The following RAB3GAP1 variants were observed in gnomAD, a reference collection of about 807,000 sequenced individuals.
The protein encoded by RAB3GAP1 is rab3 GTPase-activating protein catalytic subunit.
RAB3GAP1 carries 86 observed loss-of-function variants against 130.7 expected under a neutral mutation model. The observed-to-expected ratio is 0.66, with a 90% CI of 0.55 to 0.79. The LOEUF (loss-of-function observed/expected upper bound fraction) is 0.79. Among genes scored for constraint, RAB3GAP1 ranks in the 30% least tolerant of loss-of-function variants. RAB3GAP1 has a pLI of 0.00. For synonymous variants in RAB3GAP1, 367 were observed against 401.7 expected (o/e 0.91, Z 1.03); for missense variants, 1,029 against 1,169.4 (o/e 0.88, Z 1.75).
At chr2:135,093,764 C>G in intron 5 of RAB3GAP1, 71 bp downstream of exon 5, 1 of 1,161,272 alleles carries the variant, frequency 8.6e-7, no homozygotes, top group Non-Finnish European at 1.3e-6. Context: ...TCCCCAAGTT[C>G]AGTGATTTGC....
At chr2:135,090,179 C>T (rs1283677900) in intron 3 of RAB3GAP1, among the ~76,000 whole-genome samples, 1 of 152,014 alleles carries the variant, frequency 6.6e-6, no homozygotes, top group Non-Finnish European at 1.5e-5. Context: ...ATAATACACA[C>T]TTAGGACACT....
Position 135,153,690 on chromosome 2 carries a change from G to T in RAB3GAP1, c.2103G>T (p.Trp701Cys), listed in dbSNP as rs772842361. Reference protein sequence around the residue: ...PGCSLEDFVRWYSPRDYIEEE... With the variant: ...PGCSLEDFVRCYSPRDYIEEE... ...GCTCCCTGGAAGATTTTGTGAGGTG[G>T]TATTCACCCCGGGATTATATTGAAG... The change falls in exon 19 of 24, where the codon TGG becomes TGT. Residue 701 changes from tryptophan to cysteine, a missense_variant. By Grantham distance (215) the Trp-to-Cys change is radical (BLOSUM62 -2). Transcript: ENST00000264158. 35 of 1,613,828 alleles carry T rather than the reference G, an allele frequency of 2.2e-5. No individual in the cohort carries two copies. Among genetic ancestry groups the T allele is most frequent in the Non-Finnish European group, 2.9e-5 (34 of 1,179,916 alleles).
chr2:135,126,944 C>T (rs1029422766), intron 11 of RAB3GAP1, among the ~76,000 whole-genome samples: 1 of 151,592 alleles, frequency 6.6e-6, no homozygotes, highest in Non-Finnish European at 1.5e-5. Context: ...TGGCATGTCT[C>T]GGCTCACTGC....
rs2105008353 is a variant in RAB3GAP1, at chr2:135,168,709, G to C, written c.2874G>C (p.Arg958=). 6 of 1,614,198 alleles carry C rather than the reference G, an allele frequency of 3.7e-6. No homozygotes were observed. Among genetic ancestry groups the C allele is most frequent in the Non-Finnish European group, 5.1e-6 (6 of 1,180,032 alleles). ...CCTACTCCAAAGCTCTGCCTCAGCG[G>C]ATGTACAGTGTTCTCACCAAAGAGG... The part of the protein sequence containing the change: ...PAPYSKALPQ[R]MYSVLTKEDF... The change falls in exon 24 of 24, where the codon CGG becomes CGC. Residue 958 remains arginine (R), a synonymous_variant. Transcript: ENST00000264158.
chr2:135,084,213 C>A (rs573445653), intron 3 of RAB3GAP1, among the ~76,000 whole-genome samples: 35 of 152,292 alleles, frequency 2.3e-4, no homozygotes, highest in Admixed American at 5.2e-4. Flanking sequence ...CCATTGCACT[C>A]CAGCCTGGGC....
chr2:135,168,572 G>A lies in RAB3GAP1; in HGVS notation c.2737G>A (p.Glu913Lys). 1.2e-6 allele frequency: 2 copies of A among 1,614,148 alleles called. No homozygotes were observed. The highest frequency in any genetic ancestry group is 1.7e-6 in the Non-Finnish European group (2 of 1,180,026). Residue 913 changes from glutamate (E) to lysine (K), a missense_variant, in exon 24 of 24, where the codon GAA becomes AAA. Transcript: ENST00000264158. Reference sequence around the variant, plus strand: ...TGCAGCTATGACTCCACCAGAGGAGGAATTGAAGAGAATGGGCTCCCCAGA... The same window carrying A: ...TGCAGCTATGACTCCACCAGAGGAGAAATTGAAGAGAATGGGCTCCCCAGA... ...RAAAMTPPEE[E>K]LKRMGSPEER... is the part of the protein sequence containing the mutation.
At chr2:135,079,949 C>T (rs1354756418) in intron 3 of RAB3GAP1, among the ~76,000 whole-genome samples, 1 of 151,986 alleles carries the variant, frequency 6.6e-6, no homozygotes, top group Non-Finnish European at 1.5e-5. Flanking sequence ...AACCCTGTCT[C>T]TACTAAAAAT....
At chr2:135,092,050 A>G (rs548846443) in intron 4 of RAB3GAP1, among the ~76,000 whole-genome samples, 3 of 152,308 alleles carry the variant, frequency 2.0e-5, no homozygotes, top group Admixed American at 2.0e-4. Context: ...TCTGTTACGT[A>G]TATTCTTCTT....
At chr2:135,058,363 G>C (rs986751669) in intron 3 of RAB3GAP1, 6 of 243,036 alleles carry the variant, frequency 2.5e-5, no homozygotes, top group African/African-American at 1.1e-4. Context: ...TGTGAGTGAA[G>C]TTTGCTTCTC....
In RAB3GAP1 at chr2:135,081,327, AATATATATAT is replaced by A. The variant is rs1214688390; in HGVS notation, c.151-9645_151-9636del. On this transcript the variant is annotated intron_variant, in intron 3 of 23. Transcript: ENST00000264158. ...GTCTCAAAAAAAAAAAAAAAAAAAA[AATATATATAT>A]ATATATATATATATATATATATATA... 5.2e-4 allele frequency among the ~76,000 whole-genome samples: 33 copies of A among 64,050 alleles called. 2 individuals are homozygous for A. The highest frequency in any genetic ancestry group is 2.3e-3 in the African/African-American group (25 of 10,904). 42.0% of individuals were successfully genotyped at this position (64,050 alleles called of 152,430 possible). A position where few individuals can be genotyped will look rare whatever the true frequency, so the allele number is the denominator to read the frequency against.
intron 9 of RAB3GAP1, among the ~76,000 whole-genome samples, chr2:135,125,236 T>A (rs928187901): frequency 3.3e-5 from 5 of 152,184 alleles, no homozygotes; most frequent in Admixed American, 3.3e-4. Flanking sequence ...TTTCTTTGTG[T>A]CTGACTTATT....
At chr2:135,071,065 T>C (rs575801584) in intron 3 of RAB3GAP1, among the ~76,000 whole-genome samples, 5 of 152,360 alleles carry the variant, frequency 3.3e-5, no homozygotes, top group African/African-American at 1.2e-4. Context: ...ACAGCTTGTA[T>C]GATAGAGACT....
intron 7 of RAB3GAP1, among the ~76,000 whole-genome samples, chr2:135,120,613 G>T (rs1175981925): frequency 6.6e-6 from 1 of 152,014 alleles, no homozygotes; most frequent in Non-Finnish European, 1.5e-5. Context: ...TAATGACTTC[G>T]GTGACTTATT....
intron 3 of RAB3GAP1, chr2:135,058,315 A>G (rs918123867): frequency 5.9e-5 from 19 of 320,170 alleles, no homozygotes; most frequent in Non-Finnish European, 1.0e-4. Flanking sequence ...GTGTGTATAT[A>G]TATATATATA....
At chr2:135,103,591 T>C (rs1364300215) in intron 5 of RAB3GAP1, among the ~76,000 whole-genome samples, 3 of 152,196 alleles carry the variant, frequency 2.0e-5, no homozygotes, top group Non-Finnish European at 4.4e-5. Context: ...CATTTCTGGC[T>C]CCTCTTCCTG....
In RAB3GAP1 at chr2:135,168,630, C is replaced by T; in HGVS notation, c.2795C>T (p.Pro932Leu). ...ERRQNSVSDFPPPAGREFILR... is the reference protein window; with the variant it reads ...ERRQNSVSDFLPPAGREFILR... ...AGGCAGAACTCCGTGTCAGACTTCC[C>T]ACCCCCTGCTGGCCGGGAATTCATT... The change falls in exon 24 of 24, where the codon CCA becomes CTA. Residue 932 changes from proline (P) to leucine (L), a missense_variant. Coordinates refer to ENST00000264158, the MANE Select transcript of RAB3GAP1 (RefSeq NM_012233.3). The T allele has an allele frequency of 6.2e-7, 1 of 1,614,212 alleles. No homozygotes were observed. Among genetic ancestry groups the T allele is most frequent in the South Asian group, 1.1e-5 (1 of 91,078 alleles).
At chr2:135,079,510 C>G (rs936867489) in intron 3 of RAB3GAP1, among the ~76,000 whole-genome samples, 1 of 152,194 alleles carries the variant, frequency 6.6e-6, no homozygotes, top group African/African-American at 2.4e-5. Flanking sequence ...ATGGTCAGGT[C>G]TCTAATTTCT....
chr2:135,161,828 C>T (rs1471238474), intron 19 of RAB3GAP1, among the ~76,000 whole-genome samples: 2 of 151,922 alleles, frequency 1.3e-5, no homozygotes, highest in Admixed American at 6.6e-5. Flanking sequence ...AGGATAAACA[C>T]GAAAATGTGG....
At chr2:135,176,200 A>G (rs993052295) in intron 24 of RAB3GAP1, 2 of 152,164 alleles carry the variant, frequency 1.3e-5, no homozygotes, top group Admixed American at 6.5e-5. Context: ...CTGTAATGCT[A>G]TACTATAAAA....
Sources: allele counts gnomAD v4.1 joint callset (sites outside exome capture counted in the v4.1 genomes callset), GRCh38; gene constraint gnomAD v4.1.1; transcripts MANE v1.5; gene names NCBI Gene and HGNC (gene_info 2026-07-23, HGNC 2026-07-21).